The following GABRA3 variants were observed in gnomAD, a reference collection of about 807,000 sequenced individuals.
GABRA3 encodes the protein gamma-aminobutyric acid receptor subunit alpha-3.
In GABRA3, 10 loss-of-function variants were observed where a neutral mutation model predicts 30.1. That is an observed-to-expected ratio of 0.33 (90% CI 0.20 to 0.56). The LOEUF (loss-of-function observed/expected upper bound fraction) is 0.56. GABRA3 is among the 20% of genes least tolerant of loss of function. The pLI is 0.89. For missense variants in GABRA3, 233 were observed against 392.0 expected, an observed-to-expected ratio of 0.59 and a Z score of 3.42; for synonymous variants, 151 against 146.8, an observed-to-expected ratio of 1.03 and a Z score of -0.21.
At chrX:152,378,372 C>A (rs1929052576) in intron 1 of GABRA3, among the ~76,000 whole-genome samples, 1 of 111,543 alleles carries the variant, frequency 9.0e-6, no homozygotes, top group Admixed American at 9.6e-5. Flanking sequence ...CTGCAGAGTA[C>A]AGGATATTTA....
intron 4 of GABRA3, among the ~76,000 whole-genome samples, chrX:152,274,512 CA>C (rs1446694923): frequency 1.8e-5 from 2 of 110,318 alleles, no homozygotes; most frequent in African/African-American, 6.6e-5. Flanking sequence ...GAATCAATAA[CA>C]AAAAGTTTTA....
intron 1 of GABRA3, among the ~76,000 whole-genome samples, chrX:152,395,793 T>G (rs1929644699): frequency 8.9e-6 from 1 of 112,207 alleles, no homozygotes; most frequent in Non-Finnish European, 1.9e-5. Flanking sequence ...TATGAGCTAG[T>G]AACATGCTGC....
chrX:152,448,552 A>G (rs1251353096), intron 1 of GABRA3, among the ~76,000 whole-genome samples: 1 of 111,385 alleles, frequency 9.0e-6, no homozygotes, highest in Non-Finnish European at 1.9e-5. Context: ...CAGCCAAGTC[A>G]GTGTTCCATT....
At chrX:152,298,738 C>T (rs1939579520) in intron 3 of GABRA3, among the ~76,000 whole-genome samples, 2 of 111,014 alleles carry the variant, frequency 1.8e-5, no homozygotes, top group Admixed American at 9.6e-5. Context: ...GGGTATATAC[C>T]CAGTAATGGG....
At chrX:152,354,828 C>T (rs1349314031) in intron 2 of GABRA3, among the ~76,000 whole-genome samples, 1 of 111,316 alleles carries the variant, frequency 9.0e-6, no homozygotes, top group Non-Finnish European at 1.9e-5. Context: ...GAACTGACAG[C>T]CTCTCAGGTC....
At chrX:152,414,207 A>C (rs1453565399) in intron 1 of GABRA3, among the ~76,000 whole-genome samples, 2 of 111,086 alleles carry the variant, frequency 1.8e-5, no homozygotes, top group South Asian at 3.8e-4. Context: ...TTTTAATAGG[A>C]TCAAGCTGGA....
Position 152,348,768 on chromosome X carries a change from G to C in GABRA3, c.141-3066C>G, listed in dbSNP as rs934674878. Among the ~76,000 whole-genome samples the C allele has an allele frequency of 2.7e-5, 3 of 112,211 alleles. No individual in the cohort carries two copies. In the East Asian group the frequency reaches 8.4e-4, roughly 32 times the overall value. Reference sequence around the variant, plus strand: ...TCTATTAAGTGTTCAATAGCATTATGTCTAAAAATCAATTTACATACCTTA... The same window carrying C: ...TCTATTAAGTGTTCAATAGCATTATCTCTAAAAATCAATTTACATACCTTA... On this transcript the variant is annotated intron_variant, in intron 2 of 9. Coordinates refer to ENST00000370314, the MANE Select transcript of GABRA3 (RefSeq NM_000808.4).
At position 152,428,400 on chromosome X, in the gene GABRA3, TA is replaced by T. The variant is rs769342933; in HGVS notation, c.-27+22745del. ...ACAGATGAAGCTGTACGCTAAAGAG[TA>T]ACTGCAGATTTGTAGTTTGTCCCCA... On this transcript the variant is annotated intron_variant, in intron 1 of 9. Transcript: ENST00000370314. Among the ~76,000 whole-genome samples the T allele has an allele frequency of 2.2e-3, 242 of 112,094 alleles. 1 individual carries two copies. In the Middle Eastern group the frequency reaches 0.032, roughly 15 times the overall value.
At chrX:152,208,528 G>T (rs1285540337) in intron 6 of GABRA3, among the ~76,000 whole-genome samples, 1 of 111,496 alleles carries the variant, frequency 9.0e-6, no homozygotes, top group Non-Finnish European at 1.9e-5. Flanking sequence ...CATAGAGGTT[G>T]ACAAAATTTG....
At chrX:152,355,313 G>A (rs906947456) in intron 2 of GABRA3, among the ~76,000 whole-genome samples, 6 of 111,405 alleles carry the variant, frequency 5.4e-5, no homozygotes, top group Admixed American at 1.9e-4. Context: ...TCTCCACCCC[G>A]TTCTCCTTTC....
At chrX:152,383,973 C>CAAAAAAAAAAAAAAAAA (rs34355005) in intron 1 of GABRA3, among the ~76,000 whole-genome samples, 2 of 73,234 alleles carry the variant, frequency 2.7e-5, no homozygotes, top group African/African-American at 5.3e-5. Context: ...GACTCCACCA[C>CAAAAAAAAAAAAAAAAA]AAAAAAAAAA....
intron 1 of GABRA3, among the ~76,000 whole-genome samples, chrX:152,395,769 C>T (rs5925167): frequency 4.5e-5 from 5 of 111,719 alleles, no homozygotes; most frequent in African/African-American, 1.6e-4. Context: ...AGTAGGAGCC[C>T]GACATGACTG....
At chrX:152,169,049 C>T (rs1936971538) in intron 9 of GABRA3, among the ~76,000 whole-genome samples, 1 of 112,043 alleles carries the variant, frequency 8.9e-6, no homozygotes, top group South Asian at 3.7e-4. Flanking sequence ...GTGGCAGAGC[C>T]TAACTTGCAA....
rs763073967 is a variant in GABRA3 at position 152,175,327 on chromosome X, T to C, written c.1144-6764A>G. ...GAGGTCAAGAGTGCTGGTGAGTGAC[T>C]GCAGTGATACAGTGTGGGACCTATG... is the stretch of plus-strand genomic sequence containing the variant. On this transcript the variant is annotated intron_variant, in intron 9 of 9. Transcript: ENST00000370314. Among the ~76,000 whole-genome samples the C allele has an allele frequency of 4.6e-5, 5 of 109,882 alleles. No individual in the cohort carries two copies. In the South Asian group the frequency reaches 2.0e-3, roughly 45 times the overall value.
At chrX:152,230,956 T>G (rs1184731831) in intron 5 of GABRA3, among the ~76,000 whole-genome samples, 1 of 110,155 alleles carries the variant, frequency 9.1e-6, no homozygotes, top group East Asian at 2.8e-4. Context: ...TAAATTAGAC[T>G]TCATAAAAAT....
chrX:152,174,126 T>C (rs1417706435), intron 9 of GABRA3, among the ~76,000 whole-genome samples: 2 of 110,904 alleles, frequency 1.8e-5, no homozygotes, highest in Non-Finnish European at 3.8e-5. Context: ...GAACTCATCC[T>C]TTTTTATGGC....
intron 2 of GABRA3, among the ~76,000 whole-genome samples, chrX:152,353,033 T>C (rs1432466190): frequency 1.8e-5 from 2 of 110,032 alleles, no homozygotes; most frequent in Non-Finnish European, 3.8e-5. Flanking sequence ...TAGAATTCAA[T>C]AGCACACTTT....
chrX:152,269,418 A>C (rs769766454), intron 4 of GABRA3, among the ~76,000 whole-genome samples: 1 of 112,267 alleles, frequency 8.9e-6, no homozygotes, highest in Non-Finnish European at 1.9e-5. Context: ...TACACAAAGC[A>C]ACTTACAAAT....
chrX:152,262,402 G>A (rs1160908581), intron 4 of GABRA3, among the ~76,000 whole-genome samples: 1 of 111,968 alleles, frequency 8.9e-6, no homozygotes, highest in African/African-American at 3.2e-5. Context: ...AAACTTTTAT[G>A]CTCTGTCACC....
Sources: allele counts gnomAD v4.1 joint callset (sites outside exome capture counted in the v4.1 genomes callset), GRCh38; gene constraint gnomAD v4.1.1; transcripts MANE v1.5; gene names NCBI Gene and HGNC (gene_info 2026-07-23, HGNC 2026-07-21).